Variants in CNNM2 observed in about 807,000 individuals in gnomAD.
CNNM2 encodes metal transporter CNNM2.
In CNNM2, 12 loss-of-function variants were observed where a neutral mutation model predicts 66.9. The observed-to-expected ratio is 0.18, with a 90% confidence interval of 0.11 to 0.29. The LOEUF (loss-of-function observed/expected upper bound fraction) is 0.29, where lower values mean the gene tolerates loss of function less well. Among genes scored for constraint, CNNM2 ranks in the 10% least tolerant of loss-of-function variants. The pLI is 1.00. For missense variants in CNNM2, 705 were observed against 1,167.7 expected (o/e 0.60, Z 5.77); for synonymous variants, 557 against 501.8 (o/e 1.11, Z -1.47).
chr10:103,077,390 A>G lies in CNNM2; in HGVS notation c.*210A>G, dbSNP rs532576789. 3.7e-5 allele frequency: 20 copies of G among 534,086 alleles called. No homozygotes were observed. The African/African-American group carries it at 3.8e-4, about 10-fold the overall frequency. 33.1% of individuals were successfully genotyped at this position (534,086 alleles called of 1,614,324 possible). On this transcript the variant is annotated 3_prime_UTR_variant, in exon 8 of 8. Transcript: ENST00000369878. ...GAGATGTGAAGTTGGCAGCCGGGGC[A>G]TGGCGTTCAAGATTTTGGAGATGAA...
At chr10:103,021,877 A>T (rs2064588997) in intron 1 of CNNM2, among the ~76,000 whole-genome samples, 1 of 152,148 alleles carries the variant, frequency 6.6e-6, no homozygotes, top group South Asian at 2.1e-4. Flanking sequence ...GTATGTGTGA[A>T]TATATATGTG....
At chr10:102,924,311 A>G (rs1200355204) in intron 1 of CNNM2, among the ~76,000 whole-genome samples, 2 of 152,180 alleles carry the variant, frequency 1.3e-5, no homozygotes, top group Non-Finnish European at 2.9e-5. Flanking sequence ...AGAATTTGTA[A>G]CCAGTTACTG....
At chr10:103,072,973 C>A (rs575085090) in intron 6 of CNNM2, among the ~76,000 whole-genome samples, 1 of 152,338 alleles carries the variant, frequency 6.6e-6, no homozygotes, top group South Asian at 2.1e-4. Context: ...ATCTCTCTGG[C>A]CCCCAAGGGC....
chr10:103,056,444 T>C (rs2134341656), intron 3 of CNNM2, among the ~76,000 whole-genome samples: 1 of 152,314 alleles, frequency 6.6e-6, no homozygotes, highest in East Asian at 1.9e-4. Context: ...CTTTGGCTGT[T>C]GGTCGACAGT....
intron 1 of CNNM2, among the ~76,000 whole-genome samples, chr10:102,941,059 T>C (rs1372433822): frequency 6.6e-6 from 1 of 152,090 alleles, no homozygotes; most frequent in Admixed American, 6.5e-5. Flanking sequence ...TGTGAGCCAT[T>C]GCGCCCAGCC....
intron 1 of CNNM2, among the ~76,000 whole-genome samples, chr10:102,989,671 C>T (rs2063862545): frequency 6.6e-6 from 1 of 151,798 alleles, no homozygotes; most frequent in Admixed American, 6.6e-5. Context: ...GGCATGGTGG[C>T]GCATCCTTGT....
rs1013115970 is a variant in CNNM2, at chr10:103,084,910, A to G, written c.*7730A>G. 1 of 152,184 alleles carries G rather than the reference A, an allele frequency of 6.6e-6. No homozygotes were observed. The highest frequency in any genetic ancestry group is 1.5e-5 in the Non-Finnish European group (1 of 68,030). The allele number at this position is 152,184 out of a possible 1,614,324, so 9.4% of individuals were successfully genotyped here. On this transcript the variant is annotated 3_prime_UTR_variant, in exon 8 of 8. Coordinates refer to ENST00000369878, the MANE Select transcript of CNNM2 (RefSeq NM_017649.5). ...AATTTAAAAGAGATGATTCTTTATT[A>G]AAGCCAAAAAGTTGAATTCTATTAG...
At chr10:102,951,325 T>A (rs1306355483) in intron 1 of CNNM2, among the ~76,000 whole-genome samples, 1 of 151,816 alleles carries the variant, frequency 6.6e-6, no homozygotes, top group Non-Finnish European at 1.5e-5. Context: ...GCCTCCTGAG[T>A]ATCTGGGATT....
chr10:102,979,699 C>T (rs759190844), intron 1 of CNNM2, among the ~76,000 whole-genome samples: 1 of 151,894 alleles, frequency 6.6e-6, no homozygotes, highest in Admixed American at 6.6e-5. Flanking sequence ...TAAATGAATA[C>T]ATAAAACAAA....
At position 103,015,358 on chromosome 10, in the gene CNNM2, C is replaced by T. The variant is rs1323492985; in HGVS notation, c.1622-34349C>T. Among the ~76,000 whole-genome samples the T allele has an allele frequency of 3.3e-5, 5 of 152,152 alleles. No individual in the cohort carries two copies. In the South Asian group the frequency reaches 1.0e-3, roughly 32 times the overall value. On this transcript the variant is annotated intron_variant, in intron 1 of 7. Coordinates refer to ENST00000369878, the MANE Select transcript of CNNM2 (RefSeq NM_017649.5). ...TTTTGACCACAATCTCTTACCTGCT[C>T]TAGAGGGAATGGAATTCTGCAGACC... is the stretch of plus-strand genomic sequence containing the variant.
chr10:102,971,495 A>G (rs1283495712), intron 1 of CNNM2, among the ~76,000 whole-genome samples: 1 of 152,182 alleles, frequency 6.6e-6, no homozygotes, highest in African/African-American at 2.4e-5. Context: ...ACTTGTCGCC[A>G]TTATTAGGAA....
At chr10:103,032,134 C>T (rs1022827421) in intron 1 of CNNM2, among the ~76,000 whole-genome samples, 1 of 152,164 alleles carries the variant, frequency 6.6e-6, no homozygotes, top group African/African-American at 2.4e-5. Flanking sequence ...GGTTGAAATA[C>T]ACATTTTCTC....
intron 1 of CNNM2, among the ~76,000 whole-genome samples, chr10:103,038,490 G>A (rs2064982085): frequency 6.6e-6 from 1 of 152,178 alleles, no homozygotes; most frequent in Non-Finnish European, 1.5e-5. Context: ...TGTCAGAGTT[G>A]TTCAAGTGGC....
chr10:102,932,162 G>A (rs1443645328), intron 1 of CNNM2, among the ~76,000 whole-genome samples: 1 of 151,330 alleles, frequency 6.6e-6, no homozygotes, highest in Non-Finnish European at 1.5e-5. Flanking sequence ...GACCTTTGAA[G>A]CAGAAAAAGG....
intron 1 of CNNM2, among the ~76,000 whole-genome samples, chr10:102,959,686 C>T (rs1227100901): frequency 6.6e-6 from 1 of 152,176 alleles, no homozygotes; most frequent in Non-Finnish European, 1.5e-5. Flanking sequence ...AAGGAATCCT[C>T]CTGCAGTGGC....
At position 102,919,401 on chromosome 10, in the gene CNNM2, G is replaced by T. The variant is rs760422704; in HGVS notation, c.921G>T (p.Pro307=). The part of the protein sequence containing the change: ...KEKNYAKRIE[P]VRRQGNYLLC... ...AGAATTACGCCAAGCGCATCGAGCC[G>T]GTGCGCAGGCAGGGCAACTACCTGC... is the stretch of plus-strand genomic sequence containing the variant. Residue 307 remains proline, a synonymous_variant, in exon 1 of 8, where the codon CCG becomes CCT. Coordinates refer to ENST00000369878, the MANE Select transcript of CNNM2 (RefSeq NM_017649.5). The T allele has an allele frequency of 3.1e-6, 5 of 1,611,662 alleles. No homozygotes were observed. The South Asian group carries it at 5.5e-5, about 18-fold the overall frequency.
chr10:103,019,870 AAG>A (rs2064537503), intron 1 of CNNM2, among the ~76,000 whole-genome samples: 1 of 152,220 alleles, frequency 6.6e-6, no homozygotes. Context: ...ACTTAAGTGA[AAG>A]AGGTAATTAT....
At chr10:103,006,126 C>T (rs894138514) in intron 1 of CNNM2, among the ~76,000 whole-genome samples, 4 of 152,064 alleles carry the variant, frequency 2.6e-5, no homozygotes, top group Non-Finnish European at 4.4e-5. Flanking sequence ...ATAGTGATAT[C>T]CTTGTCTTAT....
chr10:102,968,692 C>T (rs1205549068), intron 1 of CNNM2, among the ~76,000 whole-genome samples: 3 of 151,752 alleles, frequency 2.0e-5, no homozygotes, highest in East Asian at 3.9e-4. Context: ...CAACCTTGAC[C>T]TCTGTGGCTC....
Sources: gnomAD v4.1 joint callset for allele counts (sites outside exome capture counted in the v4.1 genomes callset) on GRCh38, gnomAD v4.1.1 for gene constraint, MANE v1.5 for transcripts, NCBI Gene and HGNC (gene_info 2026-07-23, HGNC 2026-07-21) for gene names.